LINGO2: variants seen among roughly 807,000 people sequenced by gnomAD.
LINGO2 encodes leucine-rich repeat and immunoglobulin-like domain-containing nogo receptor-interacting protein 2.
LINGO2 carries 14 observed loss-of-function variants against 30.6 expected under a neutral mutation model. That is an observed-to-expected ratio of 0.46 (90% CI 0.30 to 0.72). LINGO2 has a LOEUF of 0.72. Among genes scored for constraint, LINGO2 ranks in the 30% least tolerant of loss-of-function variants. The pLI is 0.07. For missense variants in LINGO2, 729 were observed against 751.7 expected, an observed-to-expected ratio of 0.97 and a Z score of 0.35; for synonymous variants, 317 against 288.5, an observed-to-expected ratio of 1.10 and a Z score of -1.00.
At chr9:28,637,436 A>G (rs1229118531) in intron 1 of LINGO2, among the ~76,000 whole-genome samples, 1 of 152,130 alleles carries the variant, frequency 6.6e-6, no homozygotes, top group Non-Finnish European at 1.5e-5. Flanking sequence ...CATGATATTA[A>G]TTCTTCCTAT....
intron 4 of LINGO2, among the ~76,000 whole-genome samples, chr9:28,185,620 C>G (rs117420250): frequency 6.6e-6 from 1 of 152,134 alleles, no homozygotes; most frequent in Non-Finnish European, 1.5e-5. Context: ...CTTTAGAAAA[C>G]TGAAACACAA....
At chr9:28,090,535 C>A (rs2133260941) in intron 4 of LINGO2, among the ~76,000 whole-genome samples, 1 of 152,232 alleles carries the variant, frequency 6.6e-6, no homozygotes, top group Middle Eastern at 3.4e-3. Context: ...TAAAAACGCT[C>A]AATAAATTAC....
intron 4 of LINGO2, among the ~76,000 whole-genome samples, chr9:28,139,553 C>T (rs1316807877): frequency 1.3e-5 from 2 of 152,064 alleles, no homozygotes; most frequent in East Asian, 3.9e-4. Context: ...TAAAGTAAAG[C>T]ATTTTTCCAT....
chr9:28,947,350 G>A, the LINGO2 span, among the ~76,000 whole-genome samples: 4 of 152,052 alleles, frequency 2.6e-5, no homozygotes, highest in African/African-American at 9.7e-5. Context: ...AGATTTTGCA[G>A]TCAAATCACT....
the LINGO2 span, among the ~76,000 whole-genome samples, chr9:28,993,338 G>T: frequency 4.1e-4 from 63 of 152,262 alleles, no homozygotes; most frequent in South Asian, 0.012. Context: ...TCTCTGAATA[G>T]ACCAATAACT....
chr9:28,717,636 G>A, the LINGO2 span, among the ~76,000 whole-genome samples: 1 of 152,122 alleles, frequency 6.6e-6, no homozygotes, highest in East Asian at 1.9e-4. Flanking sequence ...GACACATATA[G>A]AAACTAATGG....
chr9:28,694,826 T>C, the LINGO2 span, among the ~76,000 whole-genome samples: 7 of 152,014 alleles, frequency 4.6e-5, no homozygotes, highest in African/African-American at 1.7e-4. Flanking sequence ...GTGTCACTTA[T>C]GAGCTGGATT....
At chr9:28,263,744 GC>G in intron 4 of LINGO2, among the ~76,000 whole-genome samples, 1 of 151,900 alleles carries the variant, frequency 6.6e-6, no homozygotes, top group Non-Finnish European at 1.5e-5. Flanking sequence ...ATGAAACCTG[GC>G]ATTAGCTTCA....
At chr9:28,055,439 C>T (rs915869105) in intron 4 of LINGO2, among the ~76,000 whole-genome samples, 3 of 152,238 alleles carry the variant, frequency 2.0e-5, no homozygotes, top group African/African-American at 7.2e-5. Context: ...GGTATAAGGG[C>T]ATTTGCAGCA....
At chr9:28,703,831 G>T in the LINGO2 span, among the ~76,000 whole-genome samples, 1 of 151,706 alleles carries the variant, frequency 6.6e-6, no homozygotes, top group African/African-American at 2.4e-5. Context: ...AGGTAGTATA[G>T]GTACCTTATA....
intron 4 of LINGO2, among the ~76,000 whole-genome samples, chr9:28,172,315 C>G (rs1422870554): frequency 6.7e-6 from 1 of 148,888 alleles, no homozygotes; most frequent in Admixed American, 6.7e-5. Context: ...GGCGTGAACC[C>G]GGGAGGCGGA....
At chr9:28,309,445 G>C (rs1305873888) in intron 3 of LINGO2, among the ~76,000 whole-genome samples, 3 of 151,192 alleles carry the variant, frequency 2.0e-5, no homozygotes, top group African/African-American at 7.3e-5. Context: ...GGTGGCGGGA[G>C]GGGGGAGGGA....
At chr9:29,109,885 T>C in the LINGO2 span, among the ~76,000 whole-genome samples, 1 of 152,328 alleles carries the variant, frequency 6.6e-6, no homozygotes, top group East Asian at 1.9e-4. Flanking sequence ...TCATAATCTT[T>C]CAGCAAATGG....
chr9:28,333,872 A>G (rs1825504098), intron 3 of LINGO2, among the ~76,000 whole-genome samples: 1 of 152,176 alleles, frequency 6.6e-6, no homozygotes, highest in Non-Finnish European at 1.5e-5. Flanking sequence ...TTCATTTGAA[A>G]AGCGCAAAGG....
Position 28,524,820 on chromosome 9 carries a change from A to G in LINGO2, c.-364-48795T>C, listed in dbSNP as rs10968641. 1.0e-2 allele frequency among the ~76,000 whole-genome samples: 1,520 copies of G among 152,304 alleles called. 44 individuals are homozygous for G. In the East Asian group the frequency reaches 0.1, roughly 10 times the overall value. On this transcript the variant is annotated intron_variant, in intron 1 of 5. Coordinates refer to ENST00000379992, the Ensembl canonical transcript of LINGO2. Reference sequence around the variant, plus strand: ...GAAACTCTTACAATTTAATACTAAAAAGATAAACAATGGAATTCAGAAATA... The same window carrying G: ...GAAACTCTTACAATTTAATACTAAAGAGATAAACAATGGAATTCAGAAATA...
chr9:29,103,962 T>A, the LINGO2 span, among the ~76,000 whole-genome samples: 1 of 152,288 alleles, frequency 6.6e-6, no homozygotes, highest in East Asian at 1.9e-4. Flanking sequence ...TTTCTCTAAA[T>A]TTGGACAAGA....
chr9:29,191,168 G>C, the LINGO2 span, among the ~76,000 whole-genome samples: 1 of 152,132 alleles, frequency 6.6e-6, no homozygotes, highest in Non-Finnish European at 1.5e-5. Flanking sequence ...TAGGACACCT[G>C]ATAAAATTTA....
intron 2 of LINGO2, among the ~76,000 whole-genome samples, chr9:28,392,475 T>G (rs1382585562): frequency 6.6e-6 from 1 of 152,158 alleles, no homozygotes; most frequent in Non-Finnish European, 1.5e-5. Context: ...TAGTTCCACC[T>G]CATATGGGTG....
chr9:28,021,437 C>T (rs1042506452), intron 4 of LINGO2, among the ~76,000 whole-genome samples: 1 of 152,036 alleles, frequency 6.6e-6, no homozygotes, highest in East Asian at 1.9e-4. Context: ...GAATGCTCCA[C>T]GTGAGTATCA....
Sources: gnomAD v4.1 joint callset for allele counts (sites outside exome capture counted in the v4.1 genomes callset) on GRCh38, gnomAD v4.1.1 for gene constraint, MANE v1.5 for transcripts, NCBI Gene and HGNC (gene_info 2026-07-23, HGNC 2026-07-21) for gene names.